The following PM20D2 variants were observed in gnomAD, a reference collection of about 807,000 sequenced individuals.
PM20D2 encodes peptidase M20 domain containing 2.
In PM20D2, 33 loss-of-function variants were observed where a neutral mutation model predicts 42.9. The ratio of observed to expected loss-of-function variants is 0.77; its 90% confidence interval spans 0.58 to 1.03. The LOEUF is 1.03. PM20D2 is among the 50% of genes least tolerant of loss of function. PM20D2 has a pLI of 0.00. For synonymous variants in PM20D2, 250 were observed against 228.2 expected (o/e 1.10, Z -0.86); for missense variants, 548 against 557.0 (o/e 0.98, Z 0.16).
intron 2 of PM20D2, among the ~76,000 whole-genome samples, chr6:89,151,950 C>T (rs764867183): frequency 2.6e-5 from 4 of 151,876 alleles, no homozygotes; most frequent in Non-Finnish European, 4.4e-5. Flanking sequence ...ATTAACTGGG[C>T]ATGGAGCACT....
chr6:89,139,097 C>T, the PM20D2 span, among the ~76,000 whole-genome samples: 1 of 150,502 alleles, frequency 6.6e-6, no homozygotes, highest in Non-Finnish European at 1.5e-5. Flanking sequence ...TTAATCTTTG[C>T]TTTTTTTTTA....
the PM20D2 span, among the ~76,000 whole-genome samples, chr6:89,115,626 TCTTTC>T: frequency 6.8e-6 from 1 of 146,576 alleles, no homozygotes; most frequent in Admixed American, 6.8e-5. Flanking sequence ...TTTTCTTTTT[TCTTTC>T]TTTTTTTTTT....
Position 89,146,179 on chromosome 6 carries a change from G to A in PM20D2, c.35G>A (p.Gly12Asp), listed in dbSNP as rs201534674. The A allele has an allele frequency of 5.9e-4, 899 of 1,532,932 alleles. 1 individual carries two copies. Among genetic ancestry groups the A allele is most frequent in the Non-Finnish European group, 7.0e-4 (803 of 1,147,688 alleles). 95.0% of individuals were successfully genotyped at this position (1,532,932 alleles called of 1,614,324 possible). A position where few individuals can be genotyped will look rare whatever the true frequency, so the allele number is the denominator to read the frequency against. The change falls in exon 1 of 7, where the codon GGC (glycine) becomes GAC (aspartate). Residue 12 changes from glycine (G) to aspartate (D), a missense_variant. Physicochemically the swap from Gly to Asp is moderately conservative, Grantham distance 94 (BLOSUM62 -1). Coordinates refer to ENST00000275072, the MANE Select transcript of PM20D2 (RefSeq NM_001010853.3). ...RPGGERPVEG[G>D]ACNGRSELEL... ...GGAGGGGAGCGGCCCGTGGAAGGGG[G>A]CGCGTGCAATGGCCGCTCCGAGCTG...
chr6:89,157,629 T>C (rs1289899419), intron 4 of PM20D2, among the ~76,000 whole-genome samples: 2 of 152,222 alleles, frequency 1.3e-5, no homozygotes, highest in Admixed American at 6.5e-5. Flanking sequence ...TTCTTTTTTT[T>C]GGAGACTGAA....
upstream of PM20D2, chr6:89,146,020 G>T (rs905351983): frequency 1.2e-6 from 1 of 826,214 alleles, no homozygotes; most frequent in Non-Finnish European, 1.7e-6. Flanking sequence ...GGTGCCCTGG[G>T]AGCTGTGTGG....
chr6:89,108,155 T>G, the PM20D2 span, among the ~76,000 whole-genome samples: 1 of 152,216 alleles, frequency 6.6e-6, no homozygotes, highest in South Asian at 2.1e-4. Flanking sequence ...CTAGTGCGAT[T>G]AGGTGCTTCA....
upstream of PM20D2, chr6:89,146,004 G>A: frequency 1.5e-6 from 1 of 669,150 alleles, no homozygotes; most frequent in Non-Finnish European, 2.1e-6. Context: ...CCCCGGGACT[G>A]GGGGTGGTGC....
chr6:89,109,616 G>A, the PM20D2 span, among the ~76,000 whole-genome samples: 3 of 152,188 alleles, frequency 2.0e-5, no homozygotes, highest in Non-Finnish European at 2.9e-5. Context: ...GAGGTCTGGA[G>A]TCTGGAAGCC....
intron 5 of PM20D2, among the ~76,000 whole-genome samples, chr6:89,159,544 T>G (rs1771165018): frequency 6.6e-6 from 1 of 152,128 alleles, no homozygotes; most frequent in Non-Finnish European, 1.5e-5. Context: ...ACTGCTGAGA[T>G]AGTGGAAGTA....
At chr6:89,147,979 CTTTTTT>C (rs397888770) in intron 1 of PM20D2, among the ~76,000 whole-genome samples, 3 of 95,174 alleles carry the variant, frequency 3.2e-5, no homozygotes, top group African/African-American at 8.6e-5. Flanking sequence ...AATGTACACT[CTTTTTT>C]TTTTTTTTTT....
the PM20D2 span, among the ~76,000 whole-genome samples, chr6:89,133,414 T>C: frequency 1.3e-5 from 2 of 151,018 alleles, no homozygotes; most frequent in Admixed American, 1.3e-4. Flanking sequence ...ATCAATAGTA[T>C]ACAATTCCAA....
the PM20D2 span, among the ~76,000 whole-genome samples, chr6:89,102,723 A>G: frequency 2.6e-5 from 4 of 152,120 alleles, no homozygotes; most frequent in Non-Finnish European, 5.9e-5. Flanking sequence ...AAAGATTTAC[A>G]GAATACCTTT....
chr6:89,097,455 T>TA, the PM20D2 span: 1 of 152,118 alleles, frequency 6.6e-6, no homozygotes, highest in Non-Finnish European at 1.5e-5. Context: ...TGAAGGGCAG[T>TA]ATAATGTAAA....
chr6:89,153,080 G>C lies in PM20D2; in HGVS notation c.652G>C (p.Ala218Pro). 6.2e-7 allele frequency: 1 copy of C among 1,606,830 alleles called. No individual in the cohort carries two copies. Residue 218 changes from alanine to proline, a missense_variant, in exon 3 of 7, where the codon GCT becomes CCT. By Grantham distance (27) the Ala-to-Pro change is conservative. Coordinates refer to ENST00000275072, the MANE Select transcript of PM20D2 (RefSeq NM_001010853.3). ...VKYYGKASHS[A>P]SYPWEGLNAL... ...ATACTATGGAAAAGCATCTCATTCTGCTTCTTATCCCTGGGAAGGATTAAA... is the reference window on the plus strand; with the variant it reads ...ATACTATGGAAAAGCATCTCATTCTCCTTCTTATCCCTGGGAAGGATTAAA...
At chr6:89,151,049 G>T (rs1770815769) in intron 2 of PM20D2, among the ~76,000 whole-genome samples, 1 of 150,858 alleles carries the variant, frequency 6.6e-6, no homozygotes, top group Non-Finnish European at 1.5e-5. Context: ...TACTTGGGAG[G>T]CTGAGCCAGG....
At chr6:89,131,737 G>A in the PM20D2 span, among the ~76,000 whole-genome samples, 9 of 152,136 alleles carry the variant, frequency 5.9e-5, no homozygotes, top group Non-Finnish European at 1.2e-4. Flanking sequence ...TGAGGAGTTT[G>A]CCTCAGGCTG....
At chr6:89,108,530 G>A in the PM20D2 span, among the ~76,000 whole-genome samples, 3 of 152,178 alleles carry the variant, frequency 2.0e-5, no homozygotes, top group Admixed American at 2.0e-4. Flanking sequence ...GCTTCATGGT[G>A]CTATCATAGG....
the PM20D2 span, among the ~76,000 whole-genome samples, chr6:89,121,172 G>T: frequency 1.3e-5 from 2 of 152,150 alleles, no homozygotes; most frequent in African/African-American, 4.8e-5. Context: ...CTTCAACTGT[G>T]TAAGGAGTTT....
intron 2 of PM20D2, among the ~76,000 whole-genome samples, chr6:89,149,807 C>T (rs1770766225): frequency 6.6e-6 from 1 of 152,168 alleles, no homozygotes; most frequent in Non-Finnish European, 1.5e-5. Context: ...ATTTTATTTA[C>T]TTTAATTTGA....
Sources: allele counts gnomAD v4.1 joint callset (sites outside exome capture counted in the v4.1 genomes callset), GRCh38; gene constraint gnomAD v4.1.1; transcripts MANE v1.5; gene names NCBI Gene and HGNC (gene_info 2026-07-23, HGNC 2026-07-21).